Variants in PRKCE observed in about 807,000 individuals in gnomAD.
The protein encoded by PRKCE is protein kinase C epsilon, also known as protein kinase C epsilon type.
Under a neutral mutation model 85.4 loss-of-function variants are expected in PRKCE, and 16 were observed. The observed-to-expected ratio is 0.19, with a 90% confidence interval of 0.13 to 0.28. The LOEUF (loss-of-function observed/expected upper bound fraction) is 0.28, where lower values mean the gene tolerates loss of function less well. Ranked by LOEUF, PRKCE falls within the 10% of genes least tolerant of loss-of-function variation. The pLI is 1.00. For missense variants in PRKCE, 573 were observed against 975.2 expected, an observed-to-expected ratio of 0.59 and a Z score of 5.49; for synonymous variants, 388 against 371.5, an observed-to-expected ratio of 1.04 and a Z score of -0.51.
intron 1 of PRKCE, among the ~76,000 whole-genome samples, chr2:45,728,295 A>G (rs1001613809): frequency 1.3e-5 from 2 of 152,122 alleles, no homozygotes; most frequent in Non-Finnish European, 2.9e-5. Flanking sequence ...TTTAAGTGAA[A>G]TTTTTTATTT....
chr2:45,812,787 T>C (rs1688743508), intron 1 of PRKCE, among the ~76,000 whole-genome samples: 1 of 152,220 alleles, frequency 6.6e-6, no homozygotes, highest in Non-Finnish European at 1.5e-5. Flanking sequence ...GTGGTAAGAA[T>C]AGAAGTAGAA....
At chr2:45,672,031 C>T (rs1188699573) in intron 1 of PRKCE, among the ~76,000 whole-genome samples, 2 of 136,506 alleles carry the variant, frequency 1.5e-5, no homozygotes, top group African/African-American at 5.6e-5. Context: ...CCACTGTACT[C>T]TAGCTTGGGT....
At chr2:45,982,901 G>C (rs1703005518) in intron 5 of PRKCE, among the ~76,000 whole-genome samples, 1 of 152,200 alleles carries the variant, frequency 6.6e-6, no homozygotes, top group Admixed American at 6.5e-5. Flanking sequence ...CCTATGAGGT[G>C]ATTCCTGAGA....
chr2:45,710,905 G>A (rs1456181338), intron 1 of PRKCE, among the ~76,000 whole-genome samples: 2 of 152,200 alleles, frequency 1.3e-5, no homozygotes, highest in Admixed American at 1.3e-4. Context: ...AGGGGTGCTG[G>A]GAGAGAGGGG....
At chr2:46,174,902 G>GTTACCTTGTT (rs1407067336) in intron 14 of PRKCE, among the ~76,000 whole-genome samples, 1 of 151,742 alleles carries the variant, frequency 6.6e-6, no homozygotes, top group Admixed American at 6.6e-5. Context: ...TGTGGCCCAG[G>GTTACCTTGTT]CTGGTCTCAA....
chr2:45,661,117 G>A (rs1255300700), intron 1 of PRKCE, among the ~76,000 whole-genome samples: 5 of 152,180 alleles, frequency 3.3e-5, no homozygotes, highest in Non-Finnish European at 2.9e-5. Flanking sequence ...TTGCCAGCAA[G>A]GAGTAGACTC....
chr2:45,721,608 A>C (rs1362034572), intron 1 of PRKCE, among the ~76,000 whole-genome samples: 3 of 152,086 alleles, frequency 2.0e-5, no homozygotes, highest in African/African-American at 7.2e-5. Context: ...ATGGTGGCTC[A>C]CGCCTGTAAT....
At chr2:46,101,213 C>G (rs1671188512) in intron 11 of PRKCE, among the ~76,000 whole-genome samples, 1 of 152,088 alleles carries the variant, frequency 6.6e-6, no homozygotes, top group Admixed American at 6.5e-5. Flanking sequence ...AGTCTCTGCC[C>G]CTTTGGCACT....
intron 1 of PRKCE, among the ~76,000 whole-genome samples, chr2:45,655,249 C>T (rs1458946498): frequency 1.3e-5 from 2 of 152,320 alleles, no homozygotes; most frequent in Non-Finnish European, 2.9e-5. Context: ...ATACATCAAG[C>T]TTGTCTAACC....
intron 11 of PRKCE, among the ~76,000 whole-genome samples, chr2:46,098,502 A>G (rs1219484165): frequency 6.6e-6 from 1 of 152,214 alleles, no homozygotes; most frequent in Non-Finnish European, 1.5e-5. Flanking sequence ...GTCCATCTCA[A>G]AAATGGGGAT....
At chr2:46,006,682 A>C (rs2104769795) in intron 8 of PRKCE, among the ~76,000 whole-genome samples, 1 of 152,310 alleles carries the variant, frequency 6.6e-6, no homozygotes, top group East Asian at 1.9e-4. Context: ...GCTAACAGTA[A>C]AGCTTCTTCA....
At chr2:45,872,104 G>A (rs1229513665) in intron 2 of PRKCE, among the ~76,000 whole-genome samples, 2 of 151,946 alleles carry the variant, frequency 1.3e-5, no homozygotes, top group South Asian at 2.1e-4. Context: ...AGTCCTAGTT[G>A]TTAATAATTT....
At chr2:46,151,828 C>T (rs535160457) in intron 13 of PRKCE, among the ~76,000 whole-genome samples, 24 of 152,368 alleles carry the variant, frequency 1.6e-4, no homozygotes, top group African/African-American at 5.5e-4. Context: ...TGGGAAAACC[C>T]CTTATGCTTT....
intron 1 of PRKCE, among the ~76,000 whole-genome samples, chr2:45,736,513 G>A (rs1682074102): frequency 6.6e-6 from 1 of 152,212 alleles, no homozygotes. Flanking sequence ...TAGACGTGGA[G>A]CAGTCACCTC....
intron 1 of PRKCE, among the ~76,000 whole-genome samples, chr2:45,821,125 C>T (rs1689496441): frequency 6.6e-6 from 1 of 152,136 alleles, no homozygotes; most frequent in Non-Finnish European, 1.5e-5. Flanking sequence ...CCCTTCAAGC[C>T]TCTTGTACCC....
intron 1 of PRKCE, among the ~76,000 whole-genome samples, chr2:45,813,456 A>T (rs988744969): frequency 1.3e-5 from 2 of 152,192 alleles, no homozygotes; most frequent in Non-Finnish European, 1.5e-5. Context: ...AGGAGACAGG[A>T]GTGCAGACGG....
At chr2:45,724,887 A>C (rs767931731) in intron 1 of PRKCE, among the ~76,000 whole-genome samples, 5 of 152,226 alleles carry the variant, frequency 3.3e-5, no homozygotes, top group Non-Finnish European at 7.3e-5. Flanking sequence ...CATAACATAA[A>C]AGTGCAAGGT....
At chr2:46,064,001 G>T (rs1667385116) in intron 10 of PRKCE, among the ~76,000 whole-genome samples, 1 of 152,120 alleles carries the variant, frequency 6.6e-6, no homozygotes, top group African/African-American at 2.4e-5. Context: ...TGGTTAACTG[G>T]TCGGGCACAG....
intron 10 of PRKCE, among the ~76,000 whole-genome samples, chr2:46,031,458 C>T (rs1370226534): frequency 1.3e-5 from 2 of 152,162 alleles, no homozygotes; most frequent in African/African-American, 4.8e-5. Context: ...TATTAATTTT[C>T]CTTCTTTCTT....
Sources: allele counts gnomAD v4.1 joint callset (sites outside exome capture counted in the v4.1 genomes callset), GRCh38; gene constraint gnomAD v4.1.1; transcripts MANE v1.5; gene names NCBI Gene and HGNC (gene_info 2026-07-23, HGNC 2026-07-21).